FRYL: variants seen among roughly 807,000 people sequenced by gnomAD.
FRYL encodes protein furry homolog-like.
FRYL carries 150 observed loss-of-function variants against 351.2 expected under a neutral mutation model. The observed-to-expected ratio is 0.43, with a 90% CI of 0.37 to 0.49. The LOEUF (loss-of-function observed/expected upper bound fraction) is 0.49, where lower values mean the gene tolerates loss of function less well. FRYL is among the 20% of genes least tolerant of loss of function. FRYL has a pLI of 0.00. For synonymous variants in FRYL, 1,153 were observed against 1,257.1 expected (o/e 0.92, Z 1.75); for missense variants, 3,036 against 3,619.3 (o/e 0.84, Z 4.13).
intron 1 of FRYL, among the ~76,000 whole-genome samples, chr4:48,738,420 CA>C (rs1326507622): frequency 6.6e-6 from 1 of 152,104 alleles, no homozygotes; most frequent in African/African-American, 2.4e-5. Flanking sequence ...ACAAAAACTA[CA>C]AAACTCTGAT....
intron 1 of FRYL, among the ~76,000 whole-genome samples, chr4:48,771,019 T>C (rs954094682): frequency 1.3e-5 from 2 of 152,152 alleles, no homozygotes. Context: ...CAAATCTACA[T>C]CTGCAGAAAA....
intron 44 of FRYL, among the ~76,000 whole-genome samples, chr4:48,542,989 C>T (rs1730563975): frequency 6.6e-6 from 1 of 152,144 alleles, no homozygotes; most frequent in Non-Finnish European, 1.5e-5. Context: ...GCTTACTAGG[C>T]CTTACGTGAT....
At chr4:48,708,520 T>C (rs1767636989) in intron 2 of FRYL, among the ~76,000 whole-genome samples, 1 of 152,110 alleles carries the variant, frequency 6.6e-6, no homozygotes, top group East Asian at 1.9e-4. Flanking sequence ...ATTCCACTTC[T>C]AAGAACCTGT....
In FRYL at chr4:48,623,023, T is replaced by C. The variant is rs1750981215; in HGVS notation, c.174+103A>G. 8.6e-6 allele frequency: 6 copies of C among 694,026 alleles called. No homozygotes were observed. The East Asian group carries it at 1.7e-4, about 20-fold the overall frequency. 43.0% of individuals were successfully genotyped at this position (694,026 alleles called of 1,614,324 possible). On this transcript the variant is annotated intron_variant, in intron 5 of 63. Coordinates refer to ENST00000358350, the MANE Select transcript of FRYL (RefSeq NM_015030.2). ...AGAATGAATTAAGCATACAAGGATA[T>C]ATAGAAATTAAGGAATTCCTTAATA... is the stretch of plus-strand genomic sequence containing the variant.
chr4:48,716,386 G>T (rs1560307863), intron 1 of FRYL, among the ~76,000 whole-genome samples: 2 of 151,154 alleles, frequency 1.3e-5, no homozygotes, highest in African/African-American at 4.9e-5. Flanking sequence ...TCTGACAAAG[G>T]GCTAATATCC....
chr4:48,517,900 C>T (rs961583996), intron 55 of FRYL, among the ~76,000 whole-genome samples: 1 of 152,040 alleles, frequency 6.6e-6, no homozygotes, highest in African/African-American at 2.4e-5. Flanking sequence ...TAAGAAGTTG[C>T]CTTAAAAATA....
chr4:48,555,448 A>C (rs1029718276), intron 35 of FRYL, among the ~76,000 whole-genome samples: 4 of 152,198 alleles, frequency 2.6e-5, no homozygotes, highest in Non-Finnish European at 5.9e-5. Flanking sequence ...GGGAAAGGAA[A>C]TGGAGTGTGT....
chr4:48,593,239 T>C (rs1389052070), intron 16 of FRYL, among the ~76,000 whole-genome samples: 2 of 63,152 alleles, frequency 3.2e-5, no homozygotes, highest in Non-Finnish European at 6.5e-5. Flanking sequence ...ACACCTTAAA[T>C]ATAAACAATG....
At chr4:48,768,533 A>G (rs1475216461) in intron 1 of FRYL, among the ~76,000 whole-genome samples, 1 of 152,152 alleles carries the variant, frequency 6.6e-6, no homozygotes, top group Non-Finnish European at 1.5e-5. Flanking sequence ...AGCCGGCTGC[A>G]GTAGCTCACG....
intron 4 of FRYL, 95 bp from the exon 5 acceptor site, chr4:48,623,274 G>A (rs546994069): frequency 8.9e-5 from 67 of 753,682 alleles, no homozygotes; most frequent in African/African-American, 4.5e-4. Flanking sequence ...AGATTTGTGC[G>A]TTTGGTTTTG....
rs184749501 is a variant in FRYL at position 48,534,430 on chromosome 4, G to A, written c.6705+115C>T. The A allele has an allele frequency of 1.2e-4, 94 of 799,986 alleles. 1 individual carries two copies. Among genetic ancestry groups the A allele is most frequent in the South Asian group, 1.5e-4 (9 of 59,884 alleles). 49.6% of individuals were successfully genotyped at this position (799,986 alleles called of 1,614,324 possible). The stretch of plus-strand genomic sequence containing the variant: ...CATACTGCAAATATCCTGAAAACAC[G>A]ATTTATGGTTGAACCACTTCCCCAT... On this transcript the variant is annotated intron_variant, in intron 49 of 63. Transcript: ENST00000358350.
In FRYL at chr4:48,766,704, C is replaced by A. The variant is rs1459196006; in HGVS notation, c.-384+13374G>T. On this transcript the variant is annotated intron_variant, in intron 1 of 63. Transcript: ENST00000358350. ...ATCACATACAATACAATTTAAAATT[C>A]CTCAAAATAATCAGTGCTAGGAAGT... 2.6e-5 allele frequency among the ~76,000 whole-genome samples: 4 copies of A among 152,216 alleles called. No homozygotes were observed. The East Asian group carries it at 7.7e-4, about 29-fold the overall frequency.
chr4:48,777,027 CTCTGGG>C (rs1222280917), intron 1 of FRYL, among the ~76,000 whole-genome samples: 1 of 151,992 alleles, frequency 6.6e-6, no homozygotes, highest in Non-Finnish European at 1.5e-5. Context: ...GATTTGCTGG[CTCTGGG>C]TCTAATTTAA....
intron 3 of FRYL, among the ~76,000 whole-genome samples, chr4:48,651,027 A>C (rs921912818): frequency 1.3e-5 from 2 of 152,062 alleles, no homozygotes; most frequent in Non-Finnish European, 2.9e-5. Flanking sequence ...TATCATTCAA[A>C]ACCAAACTCA....
chr4:48,702,165 T>C (rs1483866930), intron 2 of FRYL, among the ~76,000 whole-genome samples: 2 of 151,950 alleles, frequency 1.3e-5, no homozygotes, highest in East Asian at 3.9e-4. Flanking sequence ...GTTTTAAAAA[T>C]AAAAAATAGG....
chr4:48,531,262 T>G lies in FRYL; in HGVS notation c.6797A>C (p.Tyr2266Ser). 1 of 1,612,468 alleles carries G rather than the reference T, an allele frequency of 6.2e-7. No homozygotes were observed. The highest frequency in any genetic ancestry group is 1.7e-5 in the Admixed American group (1 of 59,988). ...TTCAGGAGAACCTGTATCTCCTCCA[T>G]AGGTCTTGGGGATATCACTGGGTAC... ...LVVPSDIPKT[Y>S]GGDTGSPEIS... The change falls in exon 50 of 64, where the codon TAT (tyrosine) becomes TCT (serine). Residue 2266 changes from tyrosine to serine, a missense_variant. Tyr to Ser is a moderately radical substitution (Grantham distance 144, BLOSUM62 -2). Coordinates refer to ENST00000358350, the MANE Select transcript of FRYL (RefSeq NM_015030.2).
chr4:48,597,176 G>C (rs1262464933), intron 13 of FRYL, among the ~76,000 whole-genome samples: 4 of 152,052 alleles, frequency 2.6e-5, no homozygotes, highest in African/African-American at 9.7e-5. Context: ...ATGTCTTTGA[G>C]AAAACATAAT....
chr4:48,764,740 G>C (rs1355398726), intron 1 of FRYL, among the ~76,000 whole-genome samples: 1 of 152,104 alleles, frequency 6.6e-6, no homozygotes. Flanking sequence ...TTCACGAATT[G>C]AAAGAATATT....
intron 18 of FRYL, among the ~76,000 whole-genome samples, chr4:48,588,172 C>G (rs1287078473): frequency 2.6e-5 from 4 of 152,172 alleles, no homozygotes; most frequent in Non-Finnish European, 5.9e-5. Flanking sequence ...GCCTCCTGGT[C>G]TCCCAGGATA....
Sources: gnomAD v4.1 joint callset for allele counts (sites outside exome capture counted in the v4.1 genomes callset) on GRCh38, gnomAD v4.1.1 for gene constraint, MANE v1.5 for transcripts, NCBI Gene and HGNC (gene_info 2026-07-23, HGNC 2026-07-21) for gene names.